Variants in TRPM4 observed in about 807,000 individuals in gnomAD.
TRPM4 encodes transient receptor potential cation channel subfamily M member 4, also known as calcium-activated non-selective cation channel 1.
In TRPM4, 124 loss-of-function variants were observed where a neutral mutation model predicts 135.6. That is an observed-to-expected ratio of 0.91 (90% confidence interval 0.79 to 1.06). The LOEUF (loss-of-function observed/expected upper bound fraction) is 1.06, where lower values mean the gene tolerates loss of function less well. Ranked by LOEUF, TRPM4 falls within the 50% of genes least tolerant of loss-of-function variation. The pLI is 0.00. For missense variants in TRPM4, 1,658 were observed against 1,671.4 expected, an observed-to-expected ratio of 0.99 and a Z score of 0.14; for synonymous variants, 745 against 705.6, an observed-to-expected ratio of 1.06 and a Z score of -0.88.
In TRPM4 at chr19:49,181,378, C is replaced by T. The variant is rs267605580; in HGVS notation, c.1180C>T (p.Leu394=). The T allele has an allele frequency of 1.9e-6, 3 of 1,613,870 alleles. No homozygotes were observed. Among genetic ancestry groups the T allele is most frequent in the Non-Finnish European group, 2.5e-6 (3 of 1,180,010 alleles). ...ACGSSEASAY[L]DELRLAVAWN... is the part of the protein sequence containing the mutation. Reference sequence around the variant, plus strand: ...TGGGAGCTCGGAGGCCTCAGCCTACCTGGATGAGCTGCGTTTGGCTGTGGC... The same window carrying T: ...TGGGAGCTCGGAGGCCTCAGCCTACTTGGATGAGCTGCGTTTGGCTGTGGC... Residue 394 remains leucine, a synonymous_variant, in exon 10 of 25, where the codon CTG becomes TTG. Transcript: ENST00000252826.
In TRPM4 at chr19:49,171,375, C is replaced by CT. The variant is rs774242926; in HGVS notation, c.816dup (p.Val273CysfsTer7). On this transcript the variant is annotated frameshift_variant, in exon 7 of 25. Transcript: ENST00000252826. LOFTEE classifies it high-confidence loss of function. The surrounding 1 kb of genome is among the most constrained non-coding windows in gnomAD (Gnocchi z 4.7). ...GCCTCAGGGACTGGAATTGACATCC[C>CT]TGTCCTGCTCCTCCTGATTGATGGT... is the stretch of plus-strand genomic sequence containing the variant. 11 of 1,614,086 alleles carry CT rather than the reference C, an allele frequency of 6.8e-6. No homozygotes were observed. Among genetic ancestry groups the CT allele is most frequent in the Non-Finnish European group, 9.3e-6 (11 of 1,180,014 alleles).
intron 17 of TRPM4, among the ~76,000 whole-genome samples, chr19:49,199,669 A>G (rs1377006291): frequency 1.3e-5 from 2 of 150,860 alleles, no homozygotes; most frequent in African/African-American, 2.4e-5. Context: ...TAATATCTTC[A>G]TATCTTCTCG....
Position 49,200,794 on chromosome 19 carries a change from G to C in TRPM4, c.2953+9G>C. The C allele has an allele frequency of 6.2e-7, 1 of 1,613,628 alleles. No individual in the cohort carries two copies. Among genetic ancestry groups the C allele is most frequent in the Non-Finnish European group, 8.5e-7 (1 of 1,179,970 alleles). On this transcript the variant is annotated intron_variant, in intron 19 of 24. Transcript: ENST00000252826. Reference sequence around the variant, plus strand: ...CCAGGAGGACATGGACGGTAGGGGGGATGACGGCCTGACAGCCTTCCTCTG... The same window carrying C: ...CCAGGAGGACATGGACGGTAGGGGGCATGACGGCCTGACAGCCTTCCTCTG...
chr19:49,171,524 G>T lies in TRPM4; in HGVS notation c.859-54G>T. 3 of 1,612,482 alleles carry T rather than the reference G, an allele frequency of 1.9e-6. No homozygotes were observed. Among genetic ancestry groups the T allele is most frequent in the Non-Finnish European group, 2.5e-6 (3 of 1,178,624 alleles). On this transcript the variant is annotated intron_variant, in intron 7 of 24. Coordinates refer to ENST00000252826, the MANE Select transcript of TRPM4 (RefSeq NM_017636.4). This position sits in a 1 kb window ranked among gnomAD's most constrained non-coding sequence, Gnocchi z 4.7. The stretch of plus-strand genomic sequence containing the variant: ...GTCTGGGGGTCTGACTCCGGGTAGG[G>T]TGAATATCCTGCCTTTTCTGACGTG...
At position 49,197,310 on chromosome 19, in the gene TRPM4, TTCTTTCTTTC is replaced by T. The variant is rs1426226602; in HGVS notation, c.2645+438_2645+447del. On this transcript the variant is annotated intron_variant, in intron 17 of 24. Coordinates refer to ENST00000252826, the MANE Select transcript of TRPM4 (RefSeq NM_017636.4). The stretch of plus-strand genomic sequence containing the variant: ...TTTCTTTCTTTCTCTTTCTTTCTTT[TTCTTTCTTTC>T]TTTCTTTCTTTCTTTCTTTCTTTCT... Among the ~76,000 whole-genome samples the T allele has an allele frequency of 1.6e-3, 92 of 57,438 alleles. 1 individual carries two copies. The highest frequency in any genetic ancestry group is 0.011 in the Admixed American group (58 of 5,424). 37.7% of individuals were successfully genotyped at this position (57,438 alleles called of 152,430 possible). A position where few individuals can be genotyped will look rare whatever the true frequency, so the allele number is the denominator to read the frequency against.
At position 49,210,798 on chromosome 19, in the gene TRPM4, C is replaced by A. The variant is rs777602866; in HGVS notation, c.3417C>A (p.Asp1139Glu). The change falls in exon 22 of 25, where the codon GAC becomes GAA. Residue 1139 changes from aspartate (D) to glutamate (E), a missense_variant. Asp to Glu is a conservative substitution (Grantham distance 45). Coordinates refer to ENST00000252826, the MANE Select transcript of TRPM4 (RefSeq NM_017636.4). The surrounding 1 kb of genome is among the most constrained non-coding windows in gnomAD (Gnocchi z 4.1). ...ACTTTCTGCTGGCACGCGCTAGGGACAAGCGGGAGAGCGACTCCGAGCGTC... is the reference window on the plus strand; with the variant it reads ...ACTTTCTGCTGGCACGCGCTAGGGAAAAGCGGGAGAGCGACTCCGAGCGTC... ...KENFLLARAR[D>E]KRESDSERLK... 10 of 1,613,842 alleles carry A rather than the reference C, an allele frequency of 6.2e-6. No individual in the cohort carries two copies. The highest frequency in any genetic ancestry group is 8.5e-6 in the Non-Finnish European group (10 of 1,179,966).
At chr19:49,182,261 C>T (rs963668489) in intron 10 of TRPM4, among the ~76,000 whole-genome samples, 1 of 151,210 alleles carries the variant, frequency 6.6e-6, no homozygotes, top group African/African-American at 2.4e-5. Flanking sequence ...TCTGTCCATC[C>T]ATTCATCTGT....
chr19:49,197,945 TCTGAAAGTG>T (rs1283366178), intron 17 of TRPM4, among the ~76,000 whole-genome samples: 13 of 151,978 alleles, frequency 8.6e-5, no homozygotes, highest in Non-Finnish European at 1.9e-4. Flanking sequence ...GGCCTTAGCC[TCTGAAAGTG>T]CTGAGATTAC....
rs1296582245 is a variant in TRPM4, at chr19:49,168,673, G to A, written c.733G>A (p.Gly245Ser). The A allele has an allele frequency of 1.9e-6, 3 of 1,612,394 alleles. No homozygotes were observed. In the South Asian group the frequency reaches 3.3e-5, roughly 18 times the overall value. ...CGACGGCACACACGGCTGCCTGGGG[G>A]GCGAGAACCGCTTCCGCTTGCGCCT... is the stretch of plus-strand genomic sequence containing the variant. ...VDDGTHGCLG[G>S]ENRFRLRLES... Residue 245 changes from glycine to serine, a missense_variant, in exon 6 of 25, where the codon GGC (glycine) becomes AGC (serine). Gly to Ser is a moderately conservative substitution (Grantham distance 56). This residue lies in a region of TRPM4 where 1,412 missense variants were observed against 1,408.7 expected (regional missense o/e 1.00). Coordinates refer to ENST00000252826, the MANE Select transcript of TRPM4 (RefSeq NM_017636.4).
chr19:49,166,093 A>G lies in TRPM4; in HGVS notation c.145A>G (p.Met49Val), dbSNP rs932987690. Residue 49 changes from methionine to valine, a missense_variant, in exon 3 of 25, where the codon ATG becomes GTG. By Grantham distance (21) the Met-to-Val change is conservative. Coordinates refer to ENST00000252826, the MANE Select transcript of TRPM4 (RefSeq NM_017636.4). Reference sequence around the variant, plus strand: ...CCGGACCGCCCACCCCGCAGTGGCCATGGAGGATGCCTTCGGGGCAGCCGT... The same window carrying G: ...CCGGACCGCCCACCCCGCAGTGGCCGTGGAGGATGCCTTCGGGGCAGCCGT... ...RPRTAHPAVA[M>V]EDAFGAAVVT... The G allele has an allele frequency of 6.2e-7, 1 of 1,604,352 alleles. No individual in the cohort carries two copies. The highest frequency in any genetic ancestry group is 8.5e-7 in the Non-Finnish European group (1 of 1,176,546).
chr19:49,198,353 A>G (rs1477478278), intron 17 of TRPM4, among the ~76,000 whole-genome samples: 1 of 152,150 alleles, frequency 6.6e-6, no homozygotes, highest in African/African-American at 2.4e-5. Flanking sequence ...CTCAGCTTAA[A>G]AGGGAGAAAC....
intron 20 of TRPM4, among the ~76,000 whole-genome samples, chr19:49,203,398 T>G (rs35815377): frequency 6.9e-6 from 1 of 143,932 alleles, no homozygotes; most frequent in African/African-American, 2.6e-5. Flanking sequence ...CCAGGATGGT[T>G]TCGATCTCCT....
intron 16 of TRPM4, among the ~76,000 whole-genome samples, chr19:49,191,559 A>G (rs994583997): frequency 2.0e-5 from 3 of 151,930 alleles, no homozygotes; most frequent in African/African-American, 7.3e-5. Context: ...TCTGTCGACC[A>G]GGCTGGAGTG....
chr19:49,205,535 T>C (rs1272574118), intron 20 of TRPM4, among the ~76,000 whole-genome samples: 1 of 126,400 alleles, frequency 7.9e-6, no homozygotes, highest in East Asian at 2.0e-4. Flanking sequence ...ACTTTTTTTT[T>C]TTTTTTTTTT....
intron 10 of TRPM4, 47 bp downstream of exon 10, chr19:49,181,508 T>C: frequency 8.0e-7 from 1 of 1,251,286 alleles, no homozygotes; most frequent in Non-Finnish European, 1.2e-6. Context: ...AAAGGGACTG[T>C]GCTGTCCTCC....
At chr19:49,175,322 G>A (rs867433957) in intron 9 of TRPM4, among the ~76,000 whole-genome samples, 1 of 152,012 alleles carries the variant, frequency 6.6e-6, no homozygotes. Context: ...TGATCCGCCC[G>A]CCTCGGCCTC....
chr19:49,201,842 C>T (rs999304654), intron 19 of TRPM4, 122 bp from the exon 20 acceptor site: 27 of 1,002,542 alleles, frequency 2.7e-5, no homozygotes, highest in African/African-American at 1.8e-4. Flanking sequence ...TCAGGTGATC[C>T]GGCCATCTCA....
At chr19:49,163,804 C>G (rs1967061959) in intron 2 of TRPM4, among the ~76,000 whole-genome samples, 1 of 152,194 alleles carries the variant, frequency 6.6e-6, no homozygotes, top group African/African-American at 2.4e-5. Context: ...CTCAGAAGAG[C>G]AAACTTTCTG....
Position 49,211,649 on chromosome 19 carries a change from G to A in TRPM4, c.*151G>A, listed in dbSNP as rs1331682762. The A allele has an allele frequency of 3.1e-5, 31 of 999,026 alleles. 1 individual carries two copies. In the Admixed American group the frequency reaches 5.2e-4, roughly 17 times the overall value. 61.9% of individuals were successfully genotyped at this position (999,026 alleles called of 1,614,324 possible). A position where few individuals can be genotyped will look rare whatever the true frequency, so the allele number is the denominator to read the frequency against. ...GCCACTGTCAGGACCACCTTTGGGA[G>A]TGTCATCCTTACAAACCACAGCATG... On this transcript the variant is annotated 3_prime_UTR_variant, in exon 25 of 25. Transcript: ENST00000252826. The surrounding 1 kb of genome is among the most constrained non-coding windows in gnomAD (Gnocchi z 4.8).
Sources: allele counts gnomAD v4.1 joint callset (sites outside exome capture counted in the v4.1 genomes callset), GRCh38; gene constraint gnomAD v4.1.1; regional missense constraint gnomAD v4.1.1; non-coding constraint Gnocchi (gnomAD v3.1); transcripts MANE v1.5; gene names NCBI Gene and HGNC (gene_info 2026-07-23, HGNC 2026-07-21).